The following UNC13C variants were observed in gnomAD, a reference collection of about 807,000 sequenced individuals.
UNC13C encodes the protein unc-13 homolog C.
Under a neutral mutation model 245.4 loss-of-function variants are expected in UNC13C, and 174 were observed. The ratio of observed to expected loss-of-function variants is 0.71; its 90% CI spans 0.63 to 0.80. UNC13C has a LOEUF of 0.80. Ranked by LOEUF, UNC13C falls within the 30% of genes least tolerant of loss-of-function variation. UNC13C has a pLI of 0.00. For synonymous variants in UNC13C, 992 were observed against 895.1 expected (o/e 1.11, Z -1.93); for missense variants, 2,829 against 2,602.9 (o/e 1.09, Z -1.89).
At chr15:54,098,999 C>A (rs186425426) in intron 2 of UNC13C, among the ~76,000 whole-genome samples, 3 of 152,264 alleles carry the variant, frequency 2.0e-5, no homozygotes, top group Admixed American at 1.3e-4. Flanking sequence ...CAATGTGTTG[C>A]CTTATGTATT....
chr15:53,957,286 T>G, the UNC13C span, among the ~76,000 whole-genome samples: 1 of 152,044 alleles, frequency 6.6e-6, no homozygotes, highest in South Asian at 2.1e-4. Flanking sequence ...GGATTACAGG[T>G]GTGCACCACT....
chr15:54,557,991 C>G (rs1004605433), intron 29 of UNC13C, among the ~76,000 whole-genome samples: 6 of 151,902 alleles, frequency 3.9e-5, no homozygotes, highest in Admixed American at 6.6e-5. Context: ...TCTCAGTAAA[C>G]TATCGCAAGA....
intron 19 of UNC13C, among the ~76,000 whole-genome samples, chr15:54,491,552 A>G (rs1893704166): frequency 6.6e-6 from 1 of 152,204 alleles, no homozygotes; most frequent in Non-Finnish European, 1.5e-5. Flanking sequence ...TTCAGAAAAT[A>G]TACTTTCTCA....
chr15:53,973,717 A>AT (rs1893611557), upstream of UNC13C, among the ~76,000 whole-genome samples: 1 of 152,216 alleles, frequency 6.6e-6, no homozygotes, highest in African/African-American at 2.4e-5. Flanking sequence ...GTGCTGACAC[A>AT]TTTTTAATTT....
chr15:54,115,911 A>T (rs1181593354), intron 2 of UNC13C, among the ~76,000 whole-genome samples: 1 of 152,170 alleles, frequency 6.6e-6, no homozygotes, highest in African/African-American at 2.4e-5. Flanking sequence ...CAATAGACGC[A>T]TAGAAGAAGG....
At chr15:54,173,515 GT>G (rs566414219) in intron 4 of UNC13C, among the ~76,000 whole-genome samples, 1 of 151,848 alleles carries the variant, frequency 6.6e-6, no homozygotes, top group Non-Finnish European at 1.5e-5. Flanking sequence ...TCATTTTTCA[GT>G]TTTTTTGTTT....
intron 2 of UNC13C, among the ~76,000 whole-genome samples, chr15:54,032,433 T>G (rs1233198910): frequency 6.6e-6 from 1 of 152,224 alleles, no homozygotes; most frequent in Non-Finnish European, 1.5e-5. Flanking sequence ...ATTGCGTTGA[T>G]GAGTGATTGC....
intron 23 of UNC13C, 126 bp downstream of exon 23, chr15:54,507,320 A>C (rs1894518124): frequency 9.2e-6 from 6 of 649,542 alleles, no homozygotes; most frequent in South Asian, 8.7e-5. Flanking sequence ...TAAGGATCTT[A>C]AGAAGCTGGA....
intron 4 of UNC13C, among the ~76,000 whole-genome samples, chr15:54,186,433 A>T (rs1001195211): frequency 2.0e-5 from 3 of 152,172 alleles, no homozygotes; most frequent in Admixed American, 1.3e-4. Flanking sequence ...ACACTTTAAA[A>T]ATTATATCTT....
intron 26 of UNC13C, among the ~76,000 whole-genome samples, chr15:54,536,904 C>T (rs531500923): frequency 6.6e-6 from 1 of 152,128 alleles, no homozygotes; most frequent in South Asian, 2.1e-4. Flanking sequence ...GGAAGCATTC[C>T]CCTTGAGAAC....
chr15:54,565,983 C>T (rs1897493332), intron 29 of UNC13C, among the ~76,000 whole-genome samples: 3 of 151,938 alleles, frequency 2.0e-5, no homozygotes, highest in Admixed American at 2.0e-4. Flanking sequence ...TTATTATAAT[C>T]ATCTATCACT....
chr15:54,290,608 T>C (rs1437044651), intron 10 of UNC13C, among the ~76,000 whole-genome samples: 1 of 152,092 alleles, frequency 6.6e-6, no homozygotes, highest in Non-Finnish European at 1.5e-5. Flanking sequence ...ATATGTATTA[T>C]GTAGAAAGAC....
At chr15:54,336,361 T>A (rs182129672) in intron 16 of UNC13C, among the ~76,000 whole-genome samples, 18 of 144,802 alleles carry the variant, frequency 1.2e-4, no homozygotes, top group African/African-American at 4.4e-4. Context: ...TGAGAGTTTT[T>A]ATATGTTTTG....
chr15:54,498,123 T>C (rs566814927), intron 20 of UNC13C, among the ~76,000 whole-genome samples: 1 of 152,246 alleles, frequency 6.6e-6, no homozygotes, highest in East Asian at 1.9e-4. Context: ...TATATAGGTA[T>C]CTACATTTCT....
intron 2 of UNC13C, among the ~76,000 whole-genome samples, chr15:54,094,693 C>T (rs951551118): frequency 2.6e-5 from 4 of 152,126 alleles, no homozygotes; most frequent in Non-Finnish European, 5.9e-5. Flanking sequence ...CTTAGTTCAT[C>T]AATTAAAGCG....
chr15:54,604,082 GC>G (rs1899618182), intron 30 of UNC13C, among the ~76,000 whole-genome samples: 1 of 152,072 alleles, frequency 6.6e-6, no homozygotes, highest in Admixed American at 6.6e-5. Flanking sequence ...TTCACCCTCA[GC>G]TTGTTGATGT....
At chr15:54,425,744 G>A (rs915558756) in intron 19 of UNC13C, among the ~76,000 whole-genome samples, 1 of 151,950 alleles carries the variant, frequency 6.6e-6, no homozygotes, top group African/African-American at 2.4e-5. Flanking sequence ...TTGACATAGT[G>A]TGTTTATTAG....
the UNC13C span, among the ~76,000 whole-genome samples, chr15:53,931,533 A>G: frequency 6.6e-6 from 1 of 151,668 alleles, no homozygotes; most frequent in Non-Finnish European, 1.5e-5. Context: ...ATATGTGTGT[A>G]CAAATTGTCT....
chr15:54,287,065 TAAAAG>T (rs1461481379), intron 10 of UNC13C, among the ~76,000 whole-genome samples: 1 of 152,212 alleles, frequency 6.6e-6, no homozygotes, highest in African/African-American at 2.4e-5. Flanking sequence ...TTTCTGTTGA[TAAAAG>T]AAAAGCCAAA....
Sources: allele counts gnomAD v4.1 joint callset (sites outside exome capture counted in the v4.1 genomes callset), GRCh38; gene constraint gnomAD v4.1.1; transcripts MANE v1.5; gene names NCBI Gene and HGNC (gene_info 2026-07-23, HGNC 2026-07-21).